LGR6: variants seen among roughly 807,000 people sequenced by gnomAD.
The protein encoded by LGR6 is leucine rich repeat containing G protein-coupled receptor 6, also known as leucine-rich repeat-containing G protein-coupled receptor 6.
In LGR6, 45 loss-of-function variants were observed where a neutral mutation model predicts 69.4. The observed-to-expected ratio is 0.65, with a 90% CI of 0.51 to 0.83. The LOEUF (loss-of-function observed/expected upper bound fraction) is 0.83. Among genes scored for constraint, LGR6 ranks in the 40% least tolerant of loss-of-function variants. The pLI, the probability that LGR6 is intolerant of heterozygous loss-of-function variation, is 0.00. For missense variants in LGR6, 1,108 were observed against 1,246.7 expected (o/e 0.89, Z 1.68); for synonymous variants, 538 against 555.0 (o/e 0.97, Z 0.43).
intron 16 of LGR6, among the ~76,000 whole-genome samples, chr1:202,311,103 C>T (rs1391129661): frequency 2.0e-5 from 3 of 151,914 alleles, no homozygotes; most frequent in Non-Finnish European, 4.4e-5. Context: ...TCCCCCTGCC[C>T]GTATTACAGA....
intron 17 of LGR6, among the ~76,000 whole-genome samples, chr1:202,317,535 G>T (rs1654243267): frequency 6.6e-6 from 1 of 152,010 alleles, no homozygotes; most frequent in African/African-American, 2.4e-5. Flanking sequence ...TAGTAGAGAT[G>T]GGGTTTTGCT....
At chr1:202,208,781 G>T (rs17436339) in intron 1 of LGR6, among the ~76,000 whole-genome samples, 1 of 152,114 alleles carries the variant, frequency 6.6e-6, no homozygotes, top group Admixed American at 6.5e-5. Context: ...GCATGGGGGC[G>T]CAAAGGCACC....
chr1:202,206,224 G>A (rs1659226467), intron 1 of LGR6, among the ~76,000 whole-genome samples: 1 of 152,252 alleles, frequency 6.6e-6, no homozygotes, highest in South Asian at 2.1e-4. Context: ...CAGATTAGGA[G>A]ACTGGGAGGA....
intron 15 of LGR6, 99 bp from the exon 16 acceptor site, chr1:202,310,098 G>T: frequency 8.1e-7 from 1 of 1,230,300 alleles, no homozygotes. Context: ...GACAGACACT[G>T]AGTGCCCAGC....
intron 1 of LGR6, among the ~76,000 whole-genome samples, chr1:202,216,074 C>T (rs1291715065): frequency 4.6e-5 from 7 of 152,140 alleles, no homozygotes; most frequent in Non-Finnish European, 8.8e-5. Context: ...TGGACTTTGC[C>T]GCTTCGTCAC....
chr1:202,209,253 G>A (rs778371420), intron 1 of LGR6, among the ~76,000 whole-genome samples: 11 of 152,172 alleles, frequency 7.2e-5, no homozygotes, highest in African/African-American at 2.7e-4. Context: ...CCATGAGGAA[G>A]GGATCCTGGC....
At position 202,308,430 on chromosome 1, in the gene LGR6, C is replaced by T. The variant is rs781441680; in HGVS notation, c.1281-621C>T. Among the ~76,000 whole-genome samples the T allele has an allele frequency of 1.4e-4, 22 of 152,170 alleles. 1 individual carries two copies. The highest frequency in any genetic ancestry group is 5.2e-4 in the Admixed American group (8 of 15,282). ...GCCTTCCAGTCCAGGGCTGTTTCCACGACGCACAGTCTGTGGTCTTAGCGT... is the reference window on the plus strand; with the variant it reads ...GCCTTCCAGTCCAGGGCTGTTTCCATGACGCACAGTCTGTGGTCTTAGCGT... On this transcript the variant is annotated intron_variant, in intron 14 of 17. Coordinates refer to ENST00000367278, the MANE Select transcript of LGR6 (RefSeq NM_001017403.2).
Position 202,225,163 on chromosome 1 carries a change from G to A in LGR6, c.213-260G>A, listed in dbSNP as rs566876444. ...CCAGTCCCAGGGGAGTCTCACAAAG[G>A]ACAGGTGAAAGGCAGAGGGGAAAGT... On this transcript the variant is annotated intron_variant, in intron 1 of 17. Transcript: ENST00000367278. 1.6e-4 allele frequency among the ~76,000 whole-genome samples: 25 copies of A among 152,304 alleles called. 1 individual carries two copies. The South Asian group carries it at 2.9e-3, about 18-fold the overall frequency.
intron 13 of LGR6, 81 bp from the exon 14 acceptor site, chr1:202,307,249 A>G: frequency 7.5e-7 from 1 of 1,336,728 alleles, no homozygotes; most frequent in Non-Finnish European, 1.1e-6. Context: ...AGATGGGGGT[A>G]TGTGAGGGGG....
chr1:202,202,569 GT>G (rs1332017324), intron 1 of LGR6, among the ~76,000 whole-genome samples: 8 of 152,232 alleles, frequency 5.3e-5, no homozygotes, highest in Non-Finnish European at 1.5e-5. Context: ...CTCAGCTTCT[GT>G]TTTCTTGCTT....
intron 4 of LGR6, among the ~76,000 whole-genome samples, chr1:202,251,292 T>C (rs1248299254): frequency 6.6e-6 from 1 of 152,106 alleles, no homozygotes; most frequent in Non-Finnish European, 1.5e-5. Flanking sequence ...AAAACAGGAA[T>C]GAGAAAAGAA....
chr1:202,280,946 A>T, intron 6 of LGR6, 94 bp downstream of exon 6: 2 of 1,166,380 alleles, frequency 1.7e-6, no homozygotes, highest in Admixed American at 4.2e-5. Context: ...AAGAGCCAGC[A>T]GTCCTGGGAT....
At chr1:202,208,106 G>C (rs1326991113) in intron 1 of LGR6, among the ~76,000 whole-genome samples, 1 of 152,166 alleles carries the variant, frequency 6.6e-6, no homozygotes, top group Non-Finnish European at 1.5e-5. Flanking sequence ...GTGAGGAGTT[G>C]CATGAGTCCT....
At chr1:202,222,706 G>A (rs764535136) in intron 1 of LGR6, among the ~76,000 whole-genome samples, 7 of 152,142 alleles carry the variant, frequency 4.6e-5, no homozygotes, top group Non-Finnish European at 8.8e-5. Flanking sequence ...GCCACCCTAC[G>A]TTCCCCTGAC....
intron 4 of LGR6, among the ~76,000 whole-genome samples, chr1:202,260,429 G>T (rs1475790442): frequency 6.6e-6 from 1 of 151,940 alleles, no homozygotes; most frequent in South Asian, 2.1e-4. Flanking sequence ...TGCCTCCCGG[G>T]CTCAAGTGAT....
chr1:202,213,514 C>A (rs1000483873), intron 1 of LGR6, among the ~76,000 whole-genome samples: 3 of 152,168 alleles, frequency 2.0e-5, no homozygotes, highest in African/African-American at 7.2e-5. Context: ...CAGAGAGAAG[C>A]GGCAGCTGCT....
intron 4 of LGR6, among the ~76,000 whole-genome samples, chr1:202,269,458 C>T (rs1158265667): frequency 6.6e-6 from 1 of 152,166 alleles, no homozygotes; most frequent in East Asian, 1.9e-4. Flanking sequence ...TCTGCAAAAC[C>T]CTGATAGGCT....
intron 6 of LGR6, among the ~76,000 whole-genome samples, chr1:202,286,015 T>A (rs1196138491): frequency 6.6e-6 from 1 of 152,188 alleles, no homozygotes; most frequent in Non-Finnish European, 1.5e-5. Flanking sequence ...CCTTTTTTGT[T>A]TTCTTCTGTG....
At chr1:202,250,310 T>G (rs773102242) in intron 4 of LGR6, among the ~76,000 whole-genome samples, 1 of 152,218 alleles carries the variant, frequency 6.6e-6, no homozygotes, top group Non-Finnish European at 1.5e-5. Context: ...TTCTCTTATT[T>G]CATCCTGTTT....
Sources: allele counts gnomAD v4.1 joint callset (sites outside exome capture counted in the v4.1 genomes callset), GRCh38; gene constraint gnomAD v4.1.1; transcripts MANE v1.5; gene names NCBI Gene and HGNC (gene_info 2026-07-23, HGNC 2026-07-21).